LAMA2: variants seen among roughly 807,000 people sequenced by gnomAD.
LAMA2 encodes the protein laminin subunit alpha-2.
LAMA2 carries 269 observed loss-of-function variants against 364.8 expected under a neutral mutation model. The ratio of observed to expected loss-of-function variants is 0.74; its 90% CI spans 0.67 to 0.82. LAMA2 has a LOEUF of 0.82. Ranked by LOEUF, LAMA2 falls within the 40% of genes least tolerant of loss-of-function variation. LAMA2 has a pLI of 0.00. For synonymous variants in LAMA2, 1,379 were observed against 1,370.6 expected (o/e 1.01, Z -0.14); for missense variants, 3,807 against 3,873.2 (o/e 0.98, Z 0.45).
At position 129,463,150 on chromosome 6, in the gene LAMA2, G is replaced by A. The variant is rs987351495; in HGVS notation, c.6993-1140G>A. 3.9e-5 allele frequency among the ~76,000 whole-genome samples: 6 copies of A among 151,920 alleles called. No individual in the cohort carries two copies. The East Asian group carries it at 7.7e-4, about 20-fold the overall frequency. Reference sequence around the variant, plus strand: ...CTTAGCCCCAATATTCACCTAGAACGTAGCTGCTCCAAAATAGCATAATTA... The same window carrying A: ...CTTAGCCCCAATATTCACCTAGAACATAGCTGCTCCAAAATAGCATAATTA... On this transcript the variant is annotated intron_variant, in intron 49 of 64. Transcript: ENST00000421865.
At chr6:128,967,611 C>A (rs1159630298) in intron 1 of LAMA2, among the ~76,000 whole-genome samples, 1 of 152,090 alleles carries the variant, frequency 6.6e-6, no homozygotes, top group African/African-American at 2.4e-5. Flanking sequence ...GTTAACCCTG[C>A]TCAAAAATGT....
At chr6:129,508,929 CTG>C (rs1204283687) in intron 62 of LAMA2, among the ~76,000 whole-genome samples, 4 of 152,306 alleles carry the variant, frequency 2.6e-5, no homozygotes, top group African/African-American at 9.6e-5. Flanking sequence ...AACCTCCAAA[CTG>C]TTCTGCATAG....
intron 12 of LAMA2, among the ~76,000 whole-genome samples, chr6:129,234,932 T>A (rs1187266700): frequency 6.6e-6 from 1 of 152,146 alleles, no homozygotes; most frequent in African/African-American, 2.4e-5. Flanking sequence ...TGTTTTTGAG[T>A]GAATGAAATC....
intron 12 of LAMA2, among the ~76,000 whole-genome samples, chr6:129,246,495 T>C (rs1785760318): frequency 6.6e-6 from 1 of 152,178 alleles, no homozygotes. Flanking sequence ...CTGGGGCACC[T>C]CTACACACAG....
At chr6:129,092,593 G>C (rs1212273140) in intron 3 of LAMA2, among the ~76,000 whole-genome samples, 14 of 152,208 alleles carry the variant, frequency 9.2e-5, no homozygotes, top group Admixed American at 9.2e-4. Context: ...GAAAAGTGCA[G>C]AACCTCTTTA....
chr6:129,184,063 C>T (rs1197172021), intron 10 of LAMA2, among the ~76,000 whole-genome samples: 1 of 151,866 alleles, frequency 6.6e-6, no homozygotes, highest in Non-Finnish European at 1.5e-5. Flanking sequence ...AAAGTATAAC[C>T]ATAAATACCT....
intron 55 of LAMA2, among the ~76,000 whole-genome samples, chr6:129,485,204 A>G (rs558976833): frequency 6.6e-6 from 1 of 152,190 alleles, no homozygotes; most frequent in South Asian, 2.1e-4. Context: ...TGATTCCTTC[A>G]TCATTGCCAG....
chr6:128,985,483 C>T (rs1783167804), intron 1 of LAMA2, among the ~76,000 whole-genome samples: 2 of 151,780 alleles, frequency 1.3e-5, no homozygotes, highest in African/African-American at 4.8e-5. Context: ...CCAGAAATGT[C>T]AAGAAAATGA....
intron 3 of LAMA2, among the ~76,000 whole-genome samples, chr6:129,087,317 T>C (rs1266498767): frequency 6.6e-6 from 1 of 152,186 alleles, no homozygotes; most frequent in Non-Finnish European, 1.5e-5. Flanking sequence ...AGGTCCTAAA[T>C]AAAATGTTAT....
intron 1 of LAMA2, among the ~76,000 whole-genome samples, chr6:129,040,159 A>G (rs1786988548): frequency 1.3e-5 from 2 of 152,194 alleles, no homozygotes; most frequent in African/African-American, 4.8e-5. Flanking sequence ...GTGGAGTCAC[A>G]TTTTATTAAT....
At chr6:129,427,639 G>A (rs1452320834) in intron 40 of LAMA2, 113 bp from the exon 41 acceptor site, 2 of 762,634 alleles carry the variant, frequency 2.6e-6, no homozygotes, top group Non-Finnish European at 4.7e-6. Flanking sequence ...TTCTATATCT[G>A]CAGCCCAGAG....
chr6:128,930,829 G>T (rs1212657204), intron 1 of LAMA2, among the ~76,000 whole-genome samples: 1 of 151,950 alleles, frequency 6.6e-6, no homozygotes, highest in Non-Finnish European at 1.5e-5. Flanking sequence ...ATCTTCACTG[G>T]CTTTCAAGAC....
intron 32 of LAMA2, among the ~76,000 whole-genome samples, chr6:129,354,228 C>T (rs997382619): frequency 2.0e-5 from 3 of 151,928 alleles, no homozygotes; most frequent in Non-Finnish European, 2.9e-5. Flanking sequence ...TGTTTATGTT[C>T]TAGTTTTATA....
intron 33 of LAMA2, among the ~76,000 whole-genome samples, chr6:129,366,779 A>G (rs1016587093): frequency 4.6e-5 from 7 of 152,236 alleles, no homozygotes; most frequent in African/African-American, 1.7e-4. Context: ...AGAATAGGAT[A>G]TTGACTATTT....
At chr6:129,457,284 C>CA (rs1324911634) in intron 48 of LAMA2, among the ~76,000 whole-genome samples, 1 of 152,034 alleles carries the variant, frequency 6.6e-6, no homozygotes, top group Admixed American at 6.6e-5. Flanking sequence ...GAATTTATTC[C>CA]AAAACCACAC....
At chr6:128,997,564 G>A (rs930093749) in intron 1 of LAMA2, among the ~76,000 whole-genome samples, 1 of 152,164 alleles carries the variant, frequency 6.6e-6, no homozygotes, top group Non-Finnish European at 1.5e-5. Context: ...GGAGGCTGAG[G>A]CAGGTGGATC....
At chr6:129,278,007 GC>G (rs1320522001) in intron 17 of LAMA2, among the ~76,000 whole-genome samples, 4 of 152,018 alleles carry the variant, frequency 2.6e-5, no homozygotes, top group African/African-American at 9.7e-5. Flanking sequence ...TTCAAGACCA[GC>G]CCGGCCAATA....
At chr6:128,969,895 G>T (rs1782084182) in intron 1 of LAMA2, among the ~76,000 whole-genome samples, 1 of 152,114 alleles carries the variant, frequency 6.6e-6, no homozygotes, top group African/African-American at 2.4e-5. Context: ...GAAGATCAAA[G>T]CCAAGTACAA....
rs757583844 is a variant in LAMA2, at chr6:129,507,544, C to T, written c.8759C>T (p.Ala2920Val). The change falls in exon 62 of 65, where the codon GCC (alanine) becomes GTC (valine). Residue 2920 changes from alanine to valine, a missense_variant. Physicochemically the swap from Ala to Val is moderately conservative, Grantham distance 64. Transcript: ENST00000421865. ...VRNLHMAEAP[A>V]DLEQPTSSFH... ...AATCTCCACATGGCAGAGGCCCCTG[C>T]CGATCTGGAACAACCCACCTCCAGC... is the stretch of plus-strand genomic sequence containing the variant. 1 of 1,613,980 alleles carries T rather than the reference C, an allele frequency of 6.2e-7. No homozygotes were observed. The highest frequency in any genetic ancestry group is 1.3e-5 in the African/African-American group (1 of 74,924).
Sources: allele counts gnomAD v4.1 joint callset (sites outside exome capture counted in the v4.1 genomes callset), GRCh38; gene constraint gnomAD v4.1.1; transcripts MANE v1.5; gene names NCBI Gene and HGNC (gene_info 2026-07-23, HGNC 2026-07-21).